Variants in KHDRBS2 observed in about 807,000 individuals in gnomAD.
KHDRBS2 encodes KH domain-containing, RNA-binding, signal transduction-associated protein 2.
A neutral mutation model predicts 44.3 loss-of-function variants in KHDRBS2; 26 were observed. The observed-to-expected ratio is 0.59, with a 90% CI of 0.43 to 0.81. The LOEUF (loss-of-function observed/expected upper bound fraction) is 0.81. Among genes scored for constraint, KHDRBS2 ranks in the 40% least tolerant of loss-of-function variants. The pLI, the probability that KHDRBS2 is intolerant of heterozygous loss-of-function variation, is 0.00. For synonymous variants in KHDRBS2, 194 were observed against 151.1 expected (o/e 1.28, Z -2.08); for missense variants, 476 against 433.1 (o/e 1.10, Z -0.88).
chr6:62,018,296 T>C (rs1264896888), intron 3 of KHDRBS2, among the ~76,000 whole-genome samples: 11 of 141,478 alleles, frequency 7.8e-5, no homozygotes, highest in Non-Finnish European at 1.7e-4. Flanking sequence ...ACTATATATA[T>C]ATATGTGTGT....
chr6:61,622,433 A>G, the KHDRBS2 span, among the ~76,000 whole-genome samples: 1 of 152,196 alleles, frequency 6.6e-6, no homozygotes, highest in African/African-American at 2.4e-5. Context: ...AACTGCAAAA[A>G]TTCATTAACA....
At chr6:62,094,192 C>A (rs1800088627) in intron 2 of KHDRBS2, among the ~76,000 whole-genome samples, 1 of 151,830 alleles carries the variant, frequency 6.6e-6, no homozygotes, top group Non-Finnish European at 1.5e-5. Flanking sequence ...ACCTTCTCCC[C>A]AACATTTGTT....
intron 1 of KHDRBS2, 105 bp from the exon 2 acceptor site, chr6:62,177,417 C>G: frequency 1.1e-6 from 1 of 871,436 alleles, no homozygotes; most frequent in East Asian, 2.8e-5. Context: ...CTCCTCTTCT[C>G]AAATAAGATT....
intron 8 of KHDRBS2, among the ~76,000 whole-genome samples, chr6:61,689,760 GGC>G (rs1767192704): frequency 6.6e-6 from 1 of 151,894 alleles, no homozygotes; most frequent in Non-Finnish European, 1.5e-5. Context: ...TCTATTTTCT[GGC>G]ATCTCTTGTT....
intron 6 of KHDRBS2, among the ~76,000 whole-genome samples, chr6:61,739,491 T>C (rs997179036): frequency 5.9e-5 from 9 of 151,886 alleles, no homozygotes; most frequent in African/African-American, 2.2e-4. Context: ...ATAGGAATAA[T>C]ACACTTTTAA....
At chr6:61,910,225 G>A (rs561296242) in intron 4 of KHDRBS2, among the ~76,000 whole-genome samples, 11 of 152,328 alleles carry the variant, frequency 7.2e-5, no homozygotes, top group African/African-American at 2.6e-4. Flanking sequence ...TAGCAAAACA[G>A]AACATGCTAT....
At chr6:61,970,808 GA>G (rs1251831944) in intron 4 of KHDRBS2, among the ~76,000 whole-genome samples, 11 of 152,160 alleles carry the variant, frequency 7.2e-5, no homozygotes, top group African/African-American at 2.6e-4. Flanking sequence ...AAAGCTCTTG[GA>G]GCACTAAAAG....
At chr6:61,570,711 C>A in the KHDRBS2 span, among the ~76,000 whole-genome samples, 1 of 152,156 alleles carries the variant, frequency 6.6e-6, no homozygotes, top group Non-Finnish European at 1.5e-5. Flanking sequence ...ATCAGATAAA[C>A]AGCAGATTTC....
chr6:62,074,470 C>T (rs1261972397), intron 2 of KHDRBS2, among the ~76,000 whole-genome samples: 2 of 151,792 alleles, frequency 1.3e-5, no homozygotes, highest in Admixed American at 6.6e-5. Flanking sequence ...ATTTTTCTCC[C>T]GCCAACCCTC....
At chr6:62,144,344 G>A (rs1813481774) in intron 2 of KHDRBS2, among the ~76,000 whole-genome samples, 1 of 151,998 alleles carries the variant, frequency 6.6e-6, no homozygotes. Flanking sequence ...TTGATAGCAA[G>A]TCATCCAGTT....
chr6:61,857,099 AAT>A (rs1796266104), intron 6 of KHDRBS2, among the ~76,000 whole-genome samples: 1 of 152,070 alleles, frequency 6.6e-6, no homozygotes, highest in Non-Finnish European at 1.5e-5. Flanking sequence ...CAGTAATGAT[AAT>A]AGTGCCAAAT....
intron 3 of KHDRBS2, among the ~76,000 whole-genome samples, chr6:61,996,830 C>T (rs2127254831): frequency 6.8e-6 from 1 of 146,478 alleles, no homozygotes; most frequent in East Asian, 2.1e-4. Flanking sequence ...GTCACCCAGG[C>T]TGGAGTGCAG....
chr6:61,568,292 C>A, the KHDRBS2 span, among the ~76,000 whole-genome samples: 6 of 152,134 alleles, frequency 3.9e-5, no homozygotes, highest in Non-Finnish European at 7.4e-5. Flanking sequence ...CCACTTCATT[C>A]TTTTTGTTTA....
chr6:61,787,407 G>A (rs1783987673), intron 6 of KHDRBS2, among the ~76,000 whole-genome samples: 2 of 151,672 alleles, frequency 1.3e-5, no homozygotes, highest in Admixed American at 6.6e-5. Context: ...GATATTATAT[G>A]ACAGATACTA....
chr6:62,039,747 G>T (rs997392716), intron 3 of KHDRBS2, among the ~76,000 whole-genome samples: 2 of 152,156 alleles, frequency 1.3e-5, no homozygotes. Context: ...ATGTTCAAAA[G>T]GAGGAACTAA....
At chr6:61,765,466 A>C (rs1186813895) in intron 6 of KHDRBS2, among the ~76,000 whole-genome samples, 1 of 152,104 alleles carries the variant, frequency 6.6e-6, no homozygotes, top group African/African-American at 2.4e-5. Flanking sequence ...AACAATAAAA[A>C]ATAAATAAGT....
At chr6:61,854,128 C>T (rs1178699334) in intron 6 of KHDRBS2, among the ~76,000 whole-genome samples, 1 of 114,662 alleles carries the variant, frequency 8.7e-6, no homozygotes, top group East Asian at 2.4e-4. Context: ...CTAAAGAATT[C>T]TGAAAATTTT....
chr6:61,770,538 T>C (rs903224775), intron 6 of KHDRBS2, among the ~76,000 whole-genome samples: 2 of 152,132 alleles, frequency 1.3e-5, no homozygotes, highest in African/African-American at 2.4e-5. Context: ...ATGTGACGAA[T>C]GCAGAAGCCT....
chr6:62,034,352 C>G (rs1325699093), intron 3 of KHDRBS2, among the ~76,000 whole-genome samples: 2 of 151,754 alleles, frequency 1.3e-5, no homozygotes, highest in Non-Finnish European at 1.5e-5. Flanking sequence ...GATACCAAAA[C>G]CAAAGATGCA....
Sources: gnomAD v4.1 joint callset for allele counts (sites outside exome capture counted in the v4.1 genomes callset) on GRCh38, gnomAD v4.1.1 for gene constraint, MANE v1.5 for transcripts, NCBI Gene and HGNC (gene_info 2026-07-23, HGNC 2026-07-21) for gene names.